Variants in OPN3 observed in about 807,000 individuals in gnomAD.
OPN3 encodes opsin-3.
Under a neutral mutation model 33.8 loss-of-function variants are expected in OPN3, and 29 were observed. The ratio of observed to expected loss-of-function variants is 0.86; its 90% confidence interval spans 0.64 to 1.17. OPN3 has a LOEUF of 1.17. Among genes scored for constraint, OPN3 ranks in the 50% most tolerant of loss-of-function variants. The pLI is 0.00. For missense variants in OPN3, 437 were observed against 514.1 expected, an observed-to-expected ratio of 0.85 and a Z score of 1.45; for synonymous variants, 216 against 216.1, an observed-to-expected ratio of 1.00 and a Z score of 0.00.
intron 1 of OPN3, chr1:241,634,861 T>C (rs1664815526): frequency 1.9e-6 from 3 of 1,609,816 alleles, no homozygotes; most frequent in African/African-American, 1.3e-5. Flanking sequence ...CTAAACAAAA[T>C]GTGAGAAATT....
At chr1:241,634,372 T>C (rs1432299771) in intron 1 of OPN3, 1 of 1,613,976 alleles carries the variant, frequency 6.2e-7, no homozygotes, top group South Asian at 1.1e-5. Flanking sequence ...CTGTCTTTAG[T>C]ATAGACTGAT....
intron 1 of OPN3, among the ~76,000 whole-genome samples, chr1:241,627,847 C>A (rs1325622248): frequency 6.6e-6 from 1 of 152,148 alleles, no homozygotes; most frequent in Admixed American, 6.5e-5. Flanking sequence ...CTTGATCCAT[C>A]AAGATGAAGG....
chr1:241,635,281 A>G (rs1410824836), intron 1 of OPN3: 2 of 1,613,996 alleles, frequency 1.2e-6, no homozygotes, highest in Admixed American at 3.3e-5. Flanking sequence ...AAATCTCTGT[A>G]TCACTTTTCT....
At chr1:241,635,019 T>C (rs759701818) in intron 1 of OPN3, 2 of 1,613,436 alleles carry the variant, frequency 1.2e-6, no homozygotes, top group East Asian at 4.5e-5. Context: ...ACATCTGATT[T>C]GATTAAAAGA....
At chr1:241,637,914 C>T (rs887665519) in intron 1 of OPN3, among the ~76,000 whole-genome samples, 1 of 152,176 alleles carries the variant, frequency 6.6e-6, no homozygotes, top group East Asian at 1.9e-4. Flanking sequence ...TAACTTCCTC[C>T]CCTTCAATAC....
intron 1 of OPN3, chr1:241,635,713 C>G (rs1046654276): frequency 2.5e-6 from 4 of 1,613,944 alleles, no homozygotes; most frequent in Non-Finnish European, 3.4e-6. Flanking sequence ...TGGATTCGGG[C>G]AAACCTGTCC....
At position 241,640,343 on chromosome 1, in the gene OPN3, C is replaced by A; in HGVS notation, c.-89G>T. 9.4e-7 allele frequency: 1 copy of A among 1,065,890 alleles called. No individual in the cohort carries two copies. The highest frequency in any genetic ancestry group is 1.1e-6 in the Non-Finnish European group (1 of 884,730). 66.0% of individuals were successfully genotyped at this position (1,065,890 alleles called of 1,614,324 possible). A position where few individuals can be genotyped will look rare whatever the true frequency, so the allele number is the denominator to read the frequency against. ...TCCGCACTGGGTGGGGTTGGGGCTC[C>A]GCCGCCTGCTCTAGCCATTGTGCAC... On this transcript the variant is annotated 5_prime_UTR_variant, in exon 1 of 4. An upstream open reading frame in the 5' UTR gains an earlier in-frame stop. Coordinates refer to ENST00000366554, the MANE Select transcript of OPN3 (RefSeq NM_014322.3).
At chr1:241,599,820 T>G (rs1022548253) in intron 2 of OPN3, among the ~76,000 whole-genome samples, 4 of 152,170 alleles carry the variant, frequency 2.6e-5, no homozygotes, top group Non-Finnish European at 5.9e-5. Context: ...CCTATGAGAA[T>G]TAACAGAACT....
At position 241,593,346 on chromosome 1, in the gene OPN3, T is replaced by C. The variant is rs1406313309; in HGVS notation, c.*1082A>G. ...ACATTTAGTGAAATGTTTTCTTTGGTTCATCCTTCTTTAACAGGCTGCTGA... is the reference window on the plus strand; with the variant it reads ...ACATTTAGTGAAATGTTTTCTTTGGCTCATCCTTCTTTAACAGGCTGCTGA... On this transcript the variant is annotated 3_prime_UTR_variant, in exon 4 of 4. Coordinates refer to ENST00000366554, the MANE Select transcript of OPN3 (RefSeq NM_014322.3). 2.3e-6 allele frequency: 1 copy of C among 434,088 alleles called. No individual in the cohort carries two copies. 26.9% of individuals were successfully genotyped at this position (434,088 alleles called of 1,614,324 possible).
At chr1:241,611,780 A>T (rs984663761) in intron 1 of OPN3, among the ~76,000 whole-genome samples, 1 of 152,198 alleles carries the variant, frequency 6.6e-6, no homozygotes, top group East Asian at 1.9e-4. Flanking sequence ...TTACAATACA[A>T]TTCTAGAGAA....
chr1:241,611,418 C>T (rs548039295), intron 1 of OPN3, among the ~76,000 whole-genome samples: 56 of 150,304 alleles, frequency 3.7e-4, no homozygotes, highest in Non-Finnish European at 6.6e-4. Context: ...GAGGAACACC[C>T]AACTCAGGGT....
At chr1:241,634,745 T>C in intron 1 of OPN3, 1 of 1,613,980 alleles carries the variant, frequency 6.2e-7, no homozygotes, top group South Asian at 1.1e-5. Context: ...TGCAATTGAG[T>C]GCAGTACAAA....
intron 1 of OPN3, among the ~76,000 whole-genome samples, chr1:241,638,798 G>A (rs1665000777): frequency 6.6e-6 from 1 of 151,912 alleles, no homozygotes; most frequent in Non-Finnish European, 1.5e-5. Context: ...ATAATATTTG[G>A]GTTTGTCATA....
At chr1:241,600,775 G>A (rs557266181) in intron 2 of OPN3, 1 of 152,090 alleles carries the variant, frequency 6.6e-6, no homozygotes, top group African/African-American at 2.4e-5. Context: ...CCCTCTGCTT[G>A]TAACTCATTC....
chr1:241,600,096 C>G (rs1315131048), intron 2 of OPN3, among the ~76,000 whole-genome samples: 1 of 152,130 alleles, frequency 6.6e-6, no homozygotes, highest in Non-Finnish European at 1.5e-5. Context: ...GTCTTTATCC[C>G]CTCTCGCCAT....
At chr1:241,610,162 C>T (rs761229785) in intron 1 of OPN3, among the ~76,000 whole-genome samples, 12 of 152,248 alleles carry the variant, frequency 7.9e-5, no homozygotes, top group African/African-American at 1.9e-4. Context: ...CTTGCTGCAA[C>T]GGGATACACA....
intron 1 of OPN3, chr1:241,633,916 G>C: frequency 1.9e-6 from 3 of 1,613,890 alleles, no homozygotes; most frequent in Non-Finnish European, 2.5e-6. Flanking sequence ...CACCATCAAA[G>C]ATAATGTCTT....
intron 1 of OPN3, 115 bp from the exon 2 acceptor site, chr1:241,604,694 G>C (rs1663778553): frequency 5.5e-6 from 5 of 914,416 alleles, no homozygotes; most frequent in Non-Finnish European, 8.1e-6. Flanking sequence ...TCGATAGAGT[G>C]CTCTCAAAGC....
intron 1 of OPN3, among the ~76,000 whole-genome samples, chr1:241,624,121 C>T (rs1026291478): frequency 3.3e-5 from 5 of 150,648 alleles, no homozygotes; most frequent in Non-Finnish European, 7.4e-5. Context: ...CCTCCCCACG[C>T]CAGGCCAGGC....
Sources: allele counts gnomAD v4.1 joint callset (sites outside exome capture counted in the v4.1 genomes callset), GRCh38; gene constraint gnomAD v4.1.1; transcripts MANE v1.5; gene names NCBI Gene and HGNC (gene_info 2026-07-23, HGNC 2026-07-21).